The following ATP10B variants were observed in gnomAD, a reference collection of about 807,000 sequenced individuals.
The protein encoded by ATP10B is ATPase phospholipid transporting 10B (putative).
Under a neutral mutation model 141.2 loss-of-function variants are expected in ATP10B, and 122 were observed. The ratio of observed to expected loss-of-function variants is 0.86; its 90% CI spans 0.75 to 1.00. ATP10B has a LOEUF of 1.00. ATP10B is among the 50% of genes least tolerant of loss of function. ATP10B has a pLI of 0.00. For synonymous variants in ATP10B, 685 were observed against 692.0 expected (o/e 0.99, Z 0.16); for missense variants, 1,876 against 1,825.3 (o/e 1.03, Z -0.51).
intron 1 of ATP10B, among the ~76,000 whole-genome samples, chr5:160,843,810 T>C (rs1436256269): frequency 6.6e-6 from 1 of 152,148 alleles, no homozygotes; most frequent in Non-Finnish European, 1.5e-5. Context: ...AGGGGTGTGA[T>C]GGGCAGTGAA....
chr5:160,881,454 G>T, the ATP10B span, among the ~76,000 whole-genome samples: 1 of 152,132 alleles, frequency 6.6e-6, no homozygotes, highest in South Asian at 2.1e-4. Flanking sequence ...TTATCCAAAG[G>T]GATTTAAAAC....
intron 1 of ATP10B, among the ~76,000 whole-genome samples, chr5:160,798,036 A>G (rs1224067478): frequency 1.3e-5 from 2 of 152,108 alleles, no homozygotes; most frequent in Non-Finnish European, 2.9e-5. Context: ...GGGCAAGGGA[A>G]GGTTTCTTTG....
At chr5:160,826,641 T>C (rs527759449) in intron 1 of ATP10B, among the ~76,000 whole-genome samples, 79 of 152,266 alleles carry the variant, frequency 5.2e-4, no homozygotes, top group African/African-American at 1.8e-3. Context: ...AAAAGAGCCA[T>C]ATTTTTCTTC....
chr5:160,883,475 G>A, the ATP10B span, among the ~76,000 whole-genome samples: 1 of 111,812 alleles, frequency 8.9e-6, no homozygotes, highest in East Asian at 3.9e-4. Context: ...AAGGGCAGGT[G>A]GTGTGTAGTG....
intron 1 of ATP10B, among the ~76,000 whole-genome samples, chr5:160,834,908 C>T (rs958493659): frequency 6.6e-6 from 1 of 152,106 alleles, no homozygotes; most frequent in African/African-American, 2.4e-5. Flanking sequence ...ATCTATAGCA[C>T]CCCTTGACCA....
At chr5:160,805,024 A>G (rs911746447) in intron 1 of ATP10B, among the ~76,000 whole-genome samples, 3 of 152,208 alleles carry the variant, frequency 2.0e-5, no homozygotes, top group Admixed American at 2.0e-4. Flanking sequence ...GGCCAAAAAA[A>G]AGCTGTGCAT....
the ATP10B span, among the ~76,000 whole-genome samples, chr5:160,876,607 T>G: frequency 6.6e-6 from 1 of 151,460 alleles, no homozygotes; most frequent in Non-Finnish European, 1.5e-5. Flanking sequence ...GCTGGTTTTT[T>G]GAAAGGATCA....
intron 2 of ATP10B, among the ~76,000 whole-genome samples, chr5:160,763,536 C>G (rs1769192331): frequency 6.6e-6 from 1 of 152,106 alleles, no homozygotes; most frequent in South Asian, 2.1e-4. Context: ...CAAAACCTAT[C>G]AAAACCTCTC....
Position 160,602,529 on chromosome 5 carries a change from G to T in ATP10B, c.3363+48C>A, listed in dbSNP as rs750676491. 4.3e-6 allele frequency: 7 copies of T among 1,610,682 alleles called. No individual in the cohort carries two copies. In the Middle Eastern group the frequency reaches 1.2e-3, roughly 273 times the overall value. ...TGCTAGGGAGAGATCTGGCCCCGTG[G>T]CAAGGCCTGCCAAAGCCCTGGGTGA... On this transcript the variant is annotated intron_variant, in intron 21 of 25. Transcript: ENST00000327245.
intron 2 of ATP10B, among the ~76,000 whole-genome samples, chr5:160,755,285 A>T (rs1460322709): frequency 6.6e-6 from 1 of 152,126 alleles, no homozygotes; most frequent in Non-Finnish European, 1.5e-5. Flanking sequence ...ACAGCAAGGG[A>T]AATATCCGCC....
At chr5:160,864,649 T>C in the ATP10B span, among the ~76,000 whole-genome samples, 2 of 152,046 alleles carry the variant, frequency 1.3e-5, no homozygotes, top group Non-Finnish European at 2.9e-5. Context: ...TGCTGTTTAC[T>C]GATATGATTG....
the ATP10B span, among the ~76,000 whole-genome samples, chr5:160,923,966 C>CA: frequency 1.3e-5 from 2 of 152,204 alleles, no homozygotes; most frequent in Non-Finnish European, 2.9e-5. Context: ...ACTCTGCCCT[C>CA]ATGTTTACCT....
the ATP10B span, among the ~76,000 whole-genome samples, chr5:160,890,164 T>C: frequency 6.6e-6 from 1 of 152,230 alleles, no homozygotes; most frequent in Admixed American, 6.5e-5. Flanking sequence ...CATGTATTAT[T>C]TGGCCCATCC....
intron 1 of ATP10B, among the ~76,000 whole-genome samples, chr5:160,795,027 G>A (rs962882240): frequency 6.6e-6 from 1 of 152,172 alleles, no homozygotes; most frequent in Non-Finnish European, 1.5e-5. Flanking sequence ...TTTGTTGAAT[G>A]AATAAGTGGA....
chr5:160,871,880 T>C, the ATP10B span, among the ~76,000 whole-genome samples: 2 of 152,114 alleles, frequency 1.3e-5, no homozygotes, highest in Admixed American at 6.5e-5. Flanking sequence ...TTTTTTGGTA[T>C]AATGACTTAT....
chr5:160,926,952 G>A, the ATP10B span, among the ~76,000 whole-genome samples: 4,939 of 152,314 alleles, frequency 0.032, 130 homozygotes, highest in East Asian at 0.12. Flanking sequence ...GTATTGTGCT[G>A]TTTTCTACAT....
At chr5:160,716,601 A>G (rs964510547) in intron 3 of ATP10B, among the ~76,000 whole-genome samples, 1 of 152,230 alleles carries the variant, frequency 6.6e-6, no homozygotes, top group Non-Finnish European at 1.5e-5. Context: ...GACGATACAT[A>G]TGAGTCTCCA....
At chr5:160,798,744 A>AT (rs35866347) in intron 1 of ATP10B, among the ~76,000 whole-genome samples, 10,432 of 102,438 alleles carry the variant, frequency 0.1, 588 homozygotes, top group Middle Eastern at 0.15. Flanking sequence ...CTTTTTCTCT[A>AT]TTTTTTTTTT....
intron 1 of ATP10B, among the ~76,000 whole-genome samples, chr5:160,813,102 G>A (rs1458180330): frequency 6.6e-6 from 1 of 152,246 alleles, no homozygotes; most frequent in Non-Finnish European, 1.5e-5. Context: ...TGAGGTACCA[G>A]GTTCATCTCA....
Sources: gnomAD v4.1 joint callset for allele counts (sites outside exome capture counted in the v4.1 genomes callset) on GRCh38, gnomAD v4.1.1 for gene constraint, MANE v1.5 for transcripts, NCBI Gene and HGNC (gene_info 2026-07-23, HGNC 2026-07-21) for gene names.